The following SPECC1L variants were observed in gnomAD, a reference collection of about 807,000 sequenced individuals.
SPECC1L encodes cytospin-A.
A neutral mutation model predicts 116.8 loss-of-function variants in SPECC1L; 40 were observed. The observed-to-expected ratio is 0.34, with a 90% CI of 0.27 to 0.45. SPECC1L has a LOEUF of 0.45. SPECC1L is among the 20% of genes least tolerant of loss of function. The pLI is 1.00. For synonymous variants in SPECC1L, 504 were observed against 500.6 expected (o/e 1.01, Z -0.09); for missense variants, 1,110 against 1,373.6 (o/e 0.81, Z 3.03).
chr22:24,370,008 C>A (rs1298499297), intron 14 of SPECC1L, among the ~76,000 whole-genome samples: 1 of 152,232 alleles, frequency 6.6e-6, no homozygotes, highest in South Asian at 2.1e-4. Context: ...GCATTTCATG[C>A]TTTGGCACAA....
intron 14 of SPECC1L, among the ~76,000 whole-genome samples, chr22:24,390,322 T>C (rs530264921): frequency 6.6e-6 from 1 of 152,236 alleles, no homozygotes; most frequent in Admixed American, 6.5e-5. Flanking sequence ...GTTCTTCCAG[T>C]AGACAGAATG....
intron 11 of SPECC1L, among the ~76,000 whole-genome samples, chr22:24,354,038 G>A (rs1482175035): frequency 6.6e-6 from 1 of 152,192 alleles, no homozygotes; most frequent in Admixed American, 6.5e-5. Context: ...ATGGTGGAAG[G>A]CAAATCAATA....
chr22:24,317,533 G>A (rs560583730), intron 4 of SPECC1L, among the ~76,000 whole-genome samples: 3,695 of 124,334 alleles, frequency 0.03, 151 homozygotes, highest in African/African-American at 0.072. Flanking sequence ...AGGCAGAGGG[G>A]CTCCTCACTT....
At chr22:24,318,296 A>T (rs2040644444) in intron 4 of SPECC1L, among the ~76,000 whole-genome samples, 1 of 152,254 alleles carries the variant, frequency 6.6e-6, no homozygotes, top group African/African-American at 2.4e-5. Context: ...AGGCTGGCAG[A>T]TCACTCGCGG....
chr22:24,395,473 G>A (rs1194508542), intron 14 of SPECC1L, among the ~76,000 whole-genome samples: 1 of 152,140 alleles, frequency 6.6e-6, no homozygotes, highest in Non-Finnish European at 1.5e-5. Flanking sequence ...AAAGGAAGAG[G>A]ACATGTCTTC....
chr22:24,373,906 A>G (rs1259821796), intron 14 of SPECC1L, among the ~76,000 whole-genome samples: 1 of 152,198 alleles, frequency 6.6e-6, no homozygotes, highest in African/African-American at 2.4e-5. Context: ...CAGAATCTAC[A>G]ATGAACTCAA....
intron 2 of SPECC1L, among the ~76,000 whole-genome samples, chr22:24,299,829 G>A (rs571125513): frequency 1.1e-4 from 16 of 152,040 alleles, no homozygotes; most frequent in African/African-American, 3.9e-4. Context: ...GTGATCTAAT[G>A]TTAGAACTTT....
At chr22:24,359,943 A>G (rs2041610183) in intron 11 of SPECC1L, among the ~76,000 whole-genome samples, 1 of 152,074 alleles carries the variant, frequency 6.6e-6, no homozygotes, top group African/African-American at 2.4e-5. Context: ...CTCACTCGTA[A>G]TGACTTTTTG....
chr22:24,339,990 G>A (rs972959253), intron 10 of SPECC1L, among the ~76,000 whole-genome samples: 1 of 152,020 alleles, frequency 6.6e-6, no homozygotes, highest in Non-Finnish European at 1.5e-5. Flanking sequence ...CTGCCACGTT[G>A]CCCAGGCTGG....
At chr22:24,373,702 G>T (rs2041914756) in intron 14 of SPECC1L, among the ~76,000 whole-genome samples, 1 of 152,108 alleles carries the variant, frequency 6.6e-6, no homozygotes, top group Non-Finnish European at 1.5e-5. Context: ...TACCATTCAG[G>T]ACATAGGCAT....
Position 24,322,257 on chromosome 22 carries a change from A to G in SPECC1L, c.1277A>G (p.Gln426Arg), listed in dbSNP as rs759759553. Reference protein sequence around the residue: ...ATLQELADLQQITQELNSENE... With the variant: ...ATLQELADLQRITQELNSENE... ...CTGCAAGAGCTAGCTGATTTACAGCAGATTACCCAGGAACTGAATAGTGAA... is the reference window on the plus strand; with the variant it reads ...CTGCAAGAGCTAGCTGATTTACAGCGGATTACCCAGGAACTGAATAGTGAA... The change falls in exon 5 of 17, where the codon CAG (glutamine) becomes CGG (arginine). Residue 426 changes from glutamine (Q) to arginine (R), a missense_variant. Around this residue, in one of 4 missense-constraint regions of SPECC1L, gnomAD observed 22 missense variants for 60.1 expected, o/e 0.37. Coordinates refer to ENST00000314328, the MANE Select transcript of SPECC1L (RefSeq NM_015330.6). The G allele has an allele frequency of 6.2e-7, 1 of 1,614,260 alleles. No homozygotes were observed.
At chr22:24,330,796 G>C (rs147924820) in intron 8 of SPECC1L, among the ~76,000 whole-genome samples, 1 of 152,280 alleles carries the variant, frequency 6.6e-6, no homozygotes, top group Non-Finnish European at 1.5e-5. Flanking sequence ...GTCCAGCTCT[G>C]CCTCTTACTA....
rs1380205526 is a variant in SPECC1L at position 24,321,379 on chromosome 22, C to T, written c.399C>T (p.Asn133=). 8 of 1,614,138 alleles carry T rather than the reference C, an allele frequency of 5.0e-6. No individual in the cohort carries two copies. Among genetic ancestry groups the T allele is most frequent in the Non-Finnish European group, 6.8e-6 (8 of 1,180,048 alleles). The change falls in exon 5 of 17, where the codon AAC becomes AAT. Residue 133 remains asparagine (N), a synonymous_variant. Transcript: ENST00000314328. ...RERLRERTRL[N]QSKKLPSAGQ... is the part of the protein sequence containing the mutation. ...GATTACGTGAACGTACCCGATTAAA[C>T]CAGAGCAAAAAACTACCTTCTGCAG...
Position 24,321,443 on chromosome 22 carries a change from C to T in SPECC1L, c.463C>T (p.Arg155Cys), listed in dbSNP as rs148203655. The T allele has an allele frequency of 1.8e-4, 298 of 1,614,220 alleles. 3 individuals carry two copies. In the East Asian group the frequency reaches 5.4e-3, roughly 29 times the overall value. Residue 155 changes from arginine (R) to cysteine (C), a missense_variant, in exon 5 of 17, where the codon CGC becomes TGC. Physicochemically the swap from Arg to Cys is radical, Grantham distance 180. Coordinates refer to ENST00000314328, the MANE Select transcript of SPECC1L (RefSeq NM_015330.6). ...ANDMALAKRS[R>C]SRTATECDVR... is the part of the protein sequence containing the mutation. ...TGACATGGCATTGGCCAAACGTTCC[C>T]GCAGTCGAACTGCTACAGAATGTGA...
intron 14 of SPECC1L, among the ~76,000 whole-genome samples, chr22:24,393,863 C>T (rs539478572): frequency 2.2e-4 from 33 of 152,270 alleles, no homozygotes; most frequent in Admixed American, 9.8e-4. Flanking sequence ...TTCCCATCCC[C>T]ACACAGCCAC....
chr22:24,371,536 G>A (rs1043265459), intron 14 of SPECC1L, among the ~76,000 whole-genome samples: 1 of 152,192 alleles, frequency 6.6e-6, no homozygotes. Flanking sequence ...TTAGAAATTA[G>A]TAGCTGAAGG....
At position 24,414,921 on chromosome 22, in the gene SPECC1L, G is replaced by T; in HGVS notation, c.*298G>T. On this transcript the variant is annotated 3_prime_UTR_variant, in exon 17 of 17. Coordinates refer to ENST00000314328, the MANE Select transcript of SPECC1L (RefSeq NM_015330.6). ...GAAGAGAATATTGAACTACACTAGT[G>T]CTCCAGGGCACCAAACAAAAAGGGC... The T allele has an allele frequency of 2.3e-6, 1 of 427,890 alleles. No homozygotes were observed. The highest frequency in any genetic ancestry group is 2.3e-5 in the South Asian group (1 of 43,052). 26.5% of individuals were successfully genotyped at this position (427,890 alleles called of 1,614,324 possible). A position where few individuals can be genotyped will look rare whatever the true frequency, so the allele number is the denominator to read the frequency against.
In SPECC1L at chr22:24,389,109, ATTTTTTTTTTT is replaced by A. The variant is rs763818960; in HGVS notation, c.3087+19801_3087+19811del. Among the ~76,000 whole-genome samples the A allele has an allele frequency of 1.9e-3, 190 of 99,944 alleles. 1 individual carries two copies. In the Middle Eastern group the frequency reaches 0.024, roughly 13 times the overall value. 65.6% of individuals were successfully genotyped at this position (99,944 alleles called of 152,430 possible). A position where few individuals can be genotyped will look rare whatever the true frequency, so the allele number is the denominator to read the frequency against. ...AGTACTTCACTCCTTTCTATAACTG[ATTTTTTTTTTT>A]TTTTTTTTTTTGGAGACAGAGTTTC... On this transcript the variant is annotated intron_variant, in intron 14 of 16. Coordinates refer to ENST00000314328, the MANE Select transcript of SPECC1L (RefSeq NM_015330.6).
chr22:24,345,485 C>T (rs1334623468), intron 10 of SPECC1L, among the ~76,000 whole-genome samples: 2 of 152,126 alleles, frequency 1.3e-5, no homozygotes, highest in Non-Finnish European at 2.9e-5. Flanking sequence ...CTCTGAAAGA[C>T]GTTAAGAAAA....
Sources: allele counts gnomAD v4.1 joint callset (sites outside exome capture counted in the v4.1 genomes callset), GRCh38; gene constraint gnomAD v4.1.1; regional missense constraint gnomAD v4.1.1; transcripts MANE v1.5; gene names NCBI Gene and HGNC (gene_info 2026-07-23, HGNC 2026-07-21).